The following FILIP1 variants were observed in gnomAD, a reference collection of about 807,000 sequenced individuals.
FILIP1 encodes the protein filamin A interacting protein 1, also known as filamin-A-interacting protein 1.
Under a neutral mutation model 102.1 loss-of-function variants are expected in FILIP1, and 61 were observed. That is an observed-to-expected ratio of 0.60 (90% CI 0.49 to 0.74). The LOEUF (loss-of-function observed/expected upper bound fraction) is 0.74. FILIP1 is among the 30% of genes least tolerant of loss of function. The pLI, the probability that FILIP1 is intolerant of heterozygous loss-of-function variation, is 0.00. For missense variants in FILIP1, 1,314 were observed against 1,441.2 expected, an observed-to-expected ratio of 0.91 and a Z score of 1.43; for synonymous variants, 491 against 526.9, an observed-to-expected ratio of 0.93 and a Z score of 0.93.
intron 4 of FILIP1, among the ~76,000 whole-genome samples, chr6:75,341,746 G>C (rs1774426313): frequency 6.6e-6 from 1 of 152,080 alleles, no homozygotes; most frequent in Admixed American, 6.5e-5. Context: ...GTTTGCAGCA[G>C]GTTTTCAGTT....
chr6:75,409,912 A>G (rs924116470), intron 2 of FILIP1, among the ~76,000 whole-genome samples: 16 of 151,838 alleles, frequency 1.1e-4, no homozygotes, highest in Non-Finnish European at 2.2e-4. Context: ...TCCCCAACCA[A>G]TCAGCAGCAC....
At chr6:75,319,606 GGATCACAAGGTCAGGA>G (rs1427575148) in intron 4 of FILIP1, 35 of 448,226 alleles carry the variant, frequency 7.8e-5, no homozygotes, top group Middle Eastern at 7.6e-4. Flanking sequence ...CGAGGCTGGC[GGATCACAAGGTCAGGA>G]GATCGAGACC....
At position 75,411,432 on chromosome 6, in the gene FILIP1, T is replaced by C. The variant is rs563691960; in HGVS notation, c.276+3265A>G. Among the ~76,000 whole-genome samples, 26 of 152,314 alleles carry C rather than the reference T, an allele frequency of 1.7e-4. 1 individual carries two copies. In the South Asian group the frequency reaches 3.3e-3, roughly 19 times the overall value. Reference sequence around the variant, plus strand: ...AGCTCTTCAGTTTAATTAGATCCCATTTGTCAATTTTGGCTTTTGTTGCCA... The same window carrying C: ...AGCTCTTCAGTTTAATTAGATCCCACTTGTCAATTTTGGCTTTTGTTGCCA... On this transcript the variant is annotated intron_variant, in intron 2 of 5. Transcript: ENST00000237172.
chr6:75,343,252 C>A (rs1377614585), intron 4 of FILIP1, among the ~76,000 whole-genome samples: 1 of 152,208 alleles, frequency 6.6e-6, no homozygotes, highest in Non-Finnish European at 1.5e-5. Flanking sequence ...CCTGGACTTT[C>A]AGCCTCTGGA....
At chr6:75,416,457 T>C (rs978212916) in intron 1 of FILIP1, among the ~76,000 whole-genome samples, 2 of 152,068 alleles carry the variant, frequency 1.3e-5, no homozygotes, top group African/African-American at 4.8e-5. Flanking sequence ...TTAGAGTATC[T>C]TTTGGGTTTC....
chr6:75,300,124 T>TA (rs200145220), intron 6 of FILIP1, among the ~76,000 whole-genome samples: 1,547 of 149,220 alleles, frequency 0.01, 25 homozygotes, highest in African/African-American at 0.035. Context: ...GCTCTACATT[T>TA]AAAAAAAAAA....
At chr6:75,334,819 G>C (rs1161680767) in intron 4 of FILIP1, 3 of 152,092 alleles carry the variant, frequency 2.0e-5, no homozygotes, top group African/African-American at 7.2e-5. Flanking sequence ...AAAACAGCTT[G>C]GGAACACTAA....
At chr6:75,468,070 A>G (rs1779220685) in intron 1 of FILIP1, among the ~76,000 whole-genome samples, 1 of 152,208 alleles carries the variant, frequency 6.6e-6, no homozygotes, top group Non-Finnish European at 1.5e-5. Flanking sequence ...AGCTACCAAT[A>G]GGAATAAGAC....
chr6:75,441,663 A>AC (rs1778242729), intron 1 of FILIP1, among the ~76,000 whole-genome samples: 1 of 129,718 alleles, frequency 7.7e-6, no homozygotes, highest in Non-Finnish European at 1.6e-5. Context: ...CGGGGGGCTG[A>AC]CGCCCCCACC....
At chr6:75,337,988 T>C (rs1774297613) in intron 4 of FILIP1, among the ~76,000 whole-genome samples, 2 of 152,184 alleles carry the variant, frequency 1.3e-5, no homozygotes, top group African/African-American at 4.8e-5. Flanking sequence ...GTCTAGAGCA[T>C]TCCTCCCCTC....
At chr6:75,422,524 G>A (rs943569232) in intron 1 of FILIP1, among the ~76,000 whole-genome samples, 6 of 152,094 alleles carry the variant, frequency 3.9e-5, no homozygotes, top group Non-Finnish European at 8.8e-5. Context: ...ATCAGGCTCA[G>A]AACTGAATAA....
intron 1 of FILIP1, among the ~76,000 whole-genome samples, chr6:75,480,969 T>C (rs113966368): frequency 2.0e-5 from 3 of 152,344 alleles, no homozygotes; most frequent in African/African-American, 4.8e-5. Context: ...TGTAGACTTG[T>C]TGTAACAAAT....
intron 1 of FILIP1, among the ~76,000 whole-genome samples, chr6:75,456,006 T>C (rs1778816060): frequency 6.6e-6 from 1 of 152,172 alleles, no homozygotes; most frequent in African/African-American, 2.4e-5. Context: ...GCCTTTTCCC[T>C]CACCTAAAAT....
At chr6:75,296,335 A>G (rs866805295) in intron 6 of FILIP1, among the ~76,000 whole-genome samples, 42 of 114,044 alleles carry the variant, frequency 3.7e-4, no homozygotes, top group Admixed American at 1.0e-3. Flanking sequence ...CACCTCTTCA[A>G]TTTCTTTGTG....
At chr6:75,454,217 T>C (rs1002297217) in intron 1 of FILIP1, among the ~76,000 whole-genome samples, 4 of 152,178 alleles carry the variant, frequency 2.6e-5, no homozygotes, top group East Asian at 1.9e-4. Context: ...AGGTCTTTGC[T>C]TTTTTATGGA....
At chr6:75,485,024 T>C (rs1779744684) in intron 1 of FILIP1, among the ~76,000 whole-genome samples, 1 of 152,004 alleles carries the variant, frequency 6.6e-6, no homozygotes, top group African/African-American at 2.4e-5. Context: ...ACTCTTTGTC[T>C]CCAAAGAAGA....
At chr6:75,311,841 C>T (rs1163163628) in intron 5 of FILIP1, among the ~76,000 whole-genome samples, 1 of 152,164 alleles carries the variant, frequency 6.6e-6, no homozygotes, top group East Asian at 1.9e-4. Flanking sequence ...GTGCTGTCTG[C>T]AAGATATGAT....
chr6:75,466,965 T>C (rs1779188036), intron 1 of FILIP1, among the ~76,000 whole-genome samples: 1 of 152,236 alleles, frequency 6.6e-6, no homozygotes, highest in Non-Finnish European at 1.5e-5. Context: ...TTGTTAACTA[T>C]ACCACTTTGT....
chr6:75,319,644 C>G, intron 4 of FILIP1: 1 of 388,684 alleles, frequency 2.6e-6, no homozygotes, highest in Non-Finnish European at 4.9e-6. Flanking sequence ...TCCTGGCTAA[C>G]ACGGTGAAAC....
Sources: gnomAD v4.1 joint callset for allele counts (sites outside exome capture counted in the v4.1 genomes callset) on GRCh38, gnomAD v4.1.1 for gene constraint, MANE v1.5 for transcripts, NCBI Gene and HGNC (gene_info 2026-07-23, HGNC 2026-07-21) for gene names.